Variants in HERC1 observed in about 807,000 individuals in gnomAD.
HERC1 encodes HECT and RLD domain containing E3 ubiquitin protein ligase family member 1.
A neutral mutation model predicts 554.3 loss-of-function variants in HERC1; 160 were observed. The observed-to-expected ratio is 0.29, with a 90% CI of 0.25 to 0.33. The LOEUF is 0.33. HERC1 is among the 10% of genes least tolerant of loss of function. The pLI is 1.00. For missense variants in HERC1, 4,919 were observed against 5,918.5 expected, an observed-to-expected ratio of 0.83 and a Z score of 5.54; for synonymous variants, 2,175 against 2,131.7, an observed-to-expected ratio of 1.02 and a Z score of -0.56.
intron 18 of HERC1, among the ~76,000 whole-genome samples, chr15:63,723,779 T>C (rs1044455609): frequency 6.6e-6 from 1 of 152,208 alleles, no homozygotes; most frequent in African/African-American, 2.4e-5. Flanking sequence ...AGACCTTTTT[T>C]TAATAGACTT....
rs752906693 is a variant in HERC1 at position 63,829,543 on chromosome 15, A to ATG, written c.-27+4282_-27+4283dup. 3.7e-3 allele frequency among the ~76,000 whole-genome samples: 335 copies of ATG among 89,628 alleles called. 3 individuals carry two copies. The highest frequency in any genetic ancestry group is 0.029 in the East Asian group (67 of 2,282). 58.8% of individuals were successfully genotyped at this position (89,628 alleles called of 152,430 possible). ...AAATAATATGTGTGCACATATATGT[A>ATG]TGTGTGTGTGTGTGTGTGTATATAT... On this transcript the variant is annotated intron_variant, in intron 1 of 77. Coordinates refer to ENST00000443617, the MANE Select transcript of HERC1 (RefSeq NM_003922.4).
intron 7 of HERC1, among the ~76,000 whole-genome samples, chr15:63,753,866 G>C (rs1596159172): frequency 6.6e-6 from 1 of 152,240 alleles, no homozygotes; most frequent in East Asian, 1.9e-4. Flanking sequence ...GTAGAGTCAT[G>C]CTTGTTGATA....
At chr15:63,623,971 A>C in intron 72 of HERC1, 81 bp from the exon 73 acceptor site, 1 of 1,479,668 alleles carries the variant, frequency 6.8e-7, no homozygotes, top group Non-Finnish European at 9.3e-7. Flanking sequence ...CCATCAGTGA[A>C]TGAAAAAGCT....
intron 74 of HERC1, among the ~76,000 whole-genome samples, chr15:63,622,312 G>A (rs1350952721): frequency 1.4e-5 from 2 of 148,040 alleles, no homozygotes; most frequent in Non-Finnish European, 3.0e-5. Flanking sequence ...AGTCTTGATG[G>A]AAGTGCCTGT....
At position 63,734,789 on chromosome 15, in the gene HERC1, T is replaced by A. The variant is rs761767970; in HGVS notation, c.2581A>T (p.Met861Leu). 1 of 1,604,822 alleles carries A rather than the reference T, an allele frequency of 6.2e-7. No individual in the cohort carries two copies. Among genetic ancestry groups the A allele is most frequent in the South Asian group, 1.1e-5 (1 of 89,346 alleles). The change falls in exon 13 of 78, where the codon ATG becomes TTG. Residue 861 changes from methionine (M) to leucine (L), a missense_variant. Around this residue, in one of 11 missense-constraint regions of HERC1, gnomAD observed 744 missense variants for 1,090.0 expected, o/e 0.68. Coordinates refer to ENST00000443617, the MANE Select transcript of HERC1 (RefSeq NM_003922.4). This position sits in a 1 kb window ranked among gnomAD's most constrained non-coding sequence, Gnocchi z 4.6. ...GGTAAAAGAGAATGAAGTAATTCCA[T>A]CCGTTCTCGTAATGGAGGTAACAGC... Reference protein sequence around the residue: ...TMLLPPLRERMELLHSLLPQG... With the variant: ...TMLLPPLRERLELLHSLLPQG...
At chr15:63,769,097 A>C (rs1049581504) in intron 2 of HERC1, among the ~76,000 whole-genome samples, 68 of 152,178 alleles carry the variant, frequency 4.5e-4, no homozygotes, top group African/African-American at 1.4e-3. Context: ...AGCTTCAGTC[A>C]GTTACGATTG....
intron 1 of HERC1, among the ~76,000 whole-genome samples, chr15:63,830,430 G>A (rs1016511505): frequency 6.6e-6 from 1 of 151,864 alleles, no homozygotes; most frequent in African/African-American, 2.4e-5. Context: ...TCAAGGTCGT[G>A]AAAAACAAAA....
At chr15:63,760,435 C>CAAAAAAAAAAAAAAAAAAAAAA in intron 3 of HERC1, among the ~76,000 whole-genome samples, 1 of 91,426 alleles carries the variant, frequency 1.1e-5, no homozygotes, top group Non-Finnish European at 2.0e-5. Flanking sequence ...AGACACCATC[C>CAAAAAAAAAAAAAAAAAAAAAA]AAAAAAAAAA....
chr15:63,767,056 C>T (rs2075804012), intron 2 of HERC1, among the ~76,000 whole-genome samples: 1 of 151,058 alleles, frequency 6.6e-6, no homozygotes, highest in Non-Finnish European at 1.5e-5. Flanking sequence ...GGCTGGAGTG[C>T]AGTAGCGCAG....
At chr15:63,671,373 TA>T (rs35097725) in intron 39 of HERC1, among the ~76,000 whole-genome samples, 9,085 of 141,680 alleles carry the variant, frequency 0.064, 288 homozygotes, top group Non-Finnish European at 0.077. Context: ...AGCTGTCTCT[TA>T]AAAAAAAAAA....
rs1274907837 is a variant in HERC1, at chr15:63,648,145, T to C, written c.10802A>G (p.Tyr3601Cys). The change falls in exon 55 of 78, where the codon TAT becomes TGT. Residue 3601 changes from tyrosine (Y) to cysteine (C), a missense_variant. Around this residue, in one of 11 missense-constraint regions of HERC1, gnomAD observed 1,963 missense variants for 2,228.6 expected, o/e 0.88. Transcript: ENST00000443617. ...TCCCAGTAACAGTTTTCCATCAAAATATCCCACTGCAAATGGTCTGTCTTC... is the reference window on the plus strand; with the variant it reads ...TCCCAGTAACAGTTTTCCATCAAAACATCCCACTGCAAATGGTCTGTCTTC... ...FSEDRPFAVG[Y>C]FDGKLLLGTK... 1.2e-5 allele frequency: 19 copies of C among 1,594,578 alleles called. No homozygotes were observed. The highest frequency in any genetic ancestry group is 1.4e-5 in the Non-Finnish European group (16 of 1,169,208).
intron 1 of HERC1, among the ~76,000 whole-genome samples, chr15:63,830,859 A>C (rs2078128428): frequency 6.6e-6 from 1 of 152,256 alleles, no homozygotes; most frequent in South Asian, 2.1e-4. Context: ...ACATCAGAAC[A>C]AACTAAAATC....
chr15:63,819,969 C>T (rs1039259928), intron 1 of HERC1, among the ~76,000 whole-genome samples: 8 of 152,106 alleles, frequency 5.3e-5, no homozygotes, highest in South Asian at 4.1e-4. Context: ...CATGGAAAAA[C>T]GCTAAGAGAG....
chr15:63,722,678 A>G (rs2073871614), intron 19 of HERC1, among the ~76,000 whole-genome samples: 1 of 152,154 alleles, frequency 6.6e-6, no homozygotes, highest in South Asian at 2.1e-4. Flanking sequence ...ATTTTACTTA[A>G]TACTGGCCCC....
chr15:63,623,004 A>T, intron 73 of HERC1, 113 bp from the exon 74 acceptor site: 1 of 623,146 alleles, frequency 1.6e-6, no homozygotes, highest in Non-Finnish European at 2.7e-6. Context: ...TTATAATGCC[A>T]TGTGACAACC....
At chr15:63,649,059 G>C (rs2069510286) in intron 54 of HERC1, among the ~76,000 whole-genome samples, 2 of 152,110 alleles carry the variant, frequency 1.3e-5, no homozygotes, top group African/African-American at 4.8e-5. Context: ...TTTTTTAAAA[G>C]ACAATTTCAT....
At chr15:63,832,359 G>A (rs1411758898) in intron 1 of HERC1, among the ~76,000 whole-genome samples, 1 of 151,842 alleles carries the variant, frequency 6.6e-6, no homozygotes, top group Non-Finnish European at 1.5e-5. Context: ...TTGTATAAAC[G>A]CAGGCTATGG....
intron 48 of HERC1, among the ~76,000 whole-genome samples, chr15:63,657,606 T>G (rs563395602): frequency 1.3e-5 from 2 of 152,184 alleles, no homozygotes; most frequent in Non-Finnish European, 2.9e-5. Flanking sequence ...CAAATCACTT[T>G]TGCTAAACAG....
chr15:63,825,420 G>T (rs1047324935), intron 1 of HERC1, among the ~76,000 whole-genome samples: 2 of 152,170 alleles, frequency 1.3e-5, no homozygotes, highest in Non-Finnish European at 2.9e-5. Context: ...TATGTGAGAT[G>T]ATGGGTATCT....
Sources: gnomAD v4.1 joint callset for allele counts (sites outside exome capture counted in the v4.1 genomes callset) on GRCh38, gnomAD v4.1.1 for gene constraint, gnomAD v4.1.1 regional missense constraint, Gnocchi (gnomAD v3.1) non-coding constraint, MANE v1.5 for transcripts, NCBI Gene and HGNC (gene_info 2026-07-23, HGNC 2026-07-21) for gene names.